The following BCAR1 variants were observed in gnomAD, a reference collection of about 807,000 sequenced individuals.
The protein encoded by BCAR1 is BCAR1 scaffold protein, Cas family member.
A neutral mutation model predicts 67.6 loss-of-function variants in BCAR1; 30 were observed. The observed-to-expected ratio is 0.44, with a 90% CI of 0.33 to 0.60. The LOEUF (loss-of-function observed/expected upper bound fraction) is 0.60, where lower values mean the gene tolerates loss of function less well. Ranked by LOEUF, BCAR1 falls within the 20% of genes least tolerant of loss-of-function variation. BCAR1 has a pLI of 0.02. For missense variants in BCAR1, 1,313 were observed against 1,222.3 expected (o/e 1.07, Z -1.11); for synonymous variants, 626 against 556.7 (o/e 1.12, Z -1.75).
intron 1 of BCAR1, chr16:75,248,031 A>G: frequency 7.1e-7 from 1 of 1,407,532 alleles, no homozygotes; most frequent in Non-Finnish European, 1.0e-6. Flanking sequence ...AACCCTCAAA[A>G]CAACCCCATA....
chr16:75,248,261 C>T, intron 1 of BCAR1: 1 of 1,468,868 alleles, frequency 6.8e-7, no homozygotes, highest in South Asian at 1.4e-5. Context: ...CTGTCCACGC[C>T]CCCAACGCAC....
intron 1 of BCAR1, chr16:75,265,346 A>C (rs2077983510): frequency 6.6e-6 from 1 of 152,266 alleles, no homozygotes; most frequent in African/African-American, 2.4e-5. Context: ...GGAGCGCCGC[A>C]GGGCAGCAAT....
At chr16:75,246,738 C>G (rs117984251) in intron 1 of BCAR1, 4,567 of 152,418 alleles carry the variant, frequency 0.03, 101 homozygotes, top group Middle Eastern at 0.11. Flanking sequence ...TGGACATGCT[C>G]GCAGGCCCCC....
upstream of BCAR1, among the ~76,000 whole-genome samples, chr16:75,255,076 C>T (rs963366123): frequency 7.2e-5 from 11 of 152,336 alleles, no homozygotes; most frequent in South Asian, 2.1e-4. Context: ...TCTAGGGGAC[C>T]GGTGAGACAA....
Position 75,235,917 on chromosome 16 carries a change from C to A in BCAR1, c.982G>T (p.Asp328Tyr). ...GCCTTGGCGAAGGCGGGGGGCACAT[C>A]GTAGGTCTCCTCACGCAGCAGTGGG... ...DGPLLREETY[D>Y]VPPAFAKAKP... Residue 328 changes from aspartate to tyrosine, a missense_variant, in exon 5 of 7, where the codon GAT becomes TAT. Transcript: ENST00000162330. The A allele has an allele frequency of 6.4e-7, 1 of 1,567,604 alleles. No individual in the cohort carries two copies. Among genetic ancestry groups the A allele is most frequent in the Non-Finnish European group, 8.6e-7 (1 of 1,156,322 alleles).
At position 75,242,696 on chromosome 16, in the gene BCAR1, T is replaced by A; in HGVS notation, c.407A>T (p.Gln136Leu). Residue 136 changes from glutamine to leucine, a missense_variant, in exon 2 of 7, where the codon CAG becomes CTG. Physicochemically the swap from Gln to Leu is moderately radical, Grantham distance 113. This residue lies in a region of BCAR1 where 1,272 missense variants were observed against 1,137.5 expected (regional missense o/e 1.12). Transcript: ENST00000162330. Reference sequence around the variant, plus strand: ...CTGCTTGGCTGGGGGAGACTGGAACTGAGGGCTGGGACCCGGGACTTGGTA... The same window carrying A: ...CTGCTTGGCTGGGGGAGACTGGAACAGAGGGCTGGGACCCGGGACTTGGTA... ...GLYQVPGPSP[Q>L]FQSPPAKQTS... 6.5e-7 allele frequency: 1 copy of A among 1,547,164 alleles called. No individual in the cohort carries two copies. The highest frequency in any genetic ancestry group is 8.7e-7 in the Non-Finnish European group (1 of 1,149,198).
intron 1 of BCAR1, among the ~76,000 whole-genome samples, chr16:75,258,787 G>C (rs1248438583): frequency 6.6e-6 from 1 of 152,262 alleles, no homozygotes; most frequent in Non-Finnish European, 1.5e-5. Context: ...GCTGGGGCCA[G>C]GGACGCAGGG....
chr16:75,252,418 A>C (rs989331488), upstream of BCAR1: 3 of 1,450,998 alleles, frequency 2.1e-6, no homozygotes, highest in Non-Finnish European at 9.1e-7. Flanking sequence ...TGAGGGAGAT[A>C]GAAGGAAGAA....
intron 2 of BCAR1, chr16:75,238,352 C>T (rs2077214815): frequency 1.8e-6 from 2 of 1,107,448 alleles, no homozygotes; most frequent in African/African-American, 1.7e-5. Flanking sequence ...CACTGAAAGA[C>T]CTTTTGTTCC....
intron 1 of BCAR1, among the ~76,000 whole-genome samples, chr16:75,256,814 C>T (rs947440981): frequency 6.6e-6 from 1 of 152,170 alleles, no homozygotes; most frequent in Non-Finnish European, 1.5e-5. Context: ...TCTCTCAGCT[C>T]TCCCCTCCTG....
intron 1 of BCAR1, chr16:75,266,060 G>A (rs2078004594): frequency 3.2e-5 from 33 of 1,021,086 alleles, no homozygotes; most frequent in Non-Finnish European, 3.7e-5. Context: ...ACGCGTTAAA[G>A]GTGAGGACCC....
intron 1 of BCAR1, 93 bp downstream of exon 1, chr16:75,251,378 C>A (rs1458672242): frequency 1.2e-5 from 17 of 1,441,982 alleles, no homozygotes; most frequent in African/African-American, 1.5e-5. Context: ...CCAGGCCCCG[C>A]AGGTCCGGCA....
Position 75,235,295 on chromosome 16 carries a change from C to A in BCAR1, c.1604G>T (p.Arg535Leu). ...CCGGCTAAGCTTGGCATGCAGGGCA[C>A]GGTCAGATGTGTGGGCAGCATTGCC... ...AVGNAAHTSDRALHAKLSRQL... is the reference protein window; with the variant it reads ...AVGNAAHTSDLALHAKLSRQL... The change falls in exon 5 of 7, where the codon CGT becomes CTT. Residue 535 changes from arginine (R) to leucine (L), a missense_variant. Coordinates refer to ENST00000162330, the MANE Select transcript of BCAR1 (RefSeq NM_014567.5). 1 of 1,605,460 alleles carries A rather than the reference C, an allele frequency of 6.2e-7. No homozygotes were observed. The highest frequency in any genetic ancestry group is 8.5e-7 in the Non-Finnish European group (1 of 1,174,226).
At chr16:75,260,062 T>C (rs1452280395) in intron 1 of BCAR1, among the ~76,000 whole-genome samples, 1 of 149,376 alleles carries the variant, frequency 6.7e-6, no homozygotes, top group Non-Finnish European at 1.5e-5. Context: ...GGAATAGTGG[T>C]GGGCACCTAT....
intron 2 of BCAR1, chr16:75,238,489 G>A (rs958287711): frequency 2.7e-5 from 27 of 996,790 alleles, no homozygotes; most frequent in Non-Finnish European, 2.9e-5. Context: ...CCCTCCCAAT[G>A]CAGGCAGGCA....
chr16:75,252,584 C>T (rs187694708), upstream of BCAR1, among the ~76,000 whole-genome samples: 4 of 151,890 alleles, frequency 2.6e-5, no homozygotes, highest in East Asian at 7.7e-4. Context: ...GATGATAGGA[C>T]CGAGCCTGGT....
chr16:75,259,986 G>C (rs2151478550), intron 1 of BCAR1, among the ~76,000 whole-genome samples: 1 of 152,276 alleles, frequency 6.6e-6, no homozygotes, highest in East Asian at 1.9e-4. Flanking sequence ...CTGAGGTCAG[G>C]AGTTCGAAAC....
chr16:75,255,507 C>A (rs2077753938), upstream of BCAR1, among the ~76,000 whole-genome samples: 3 of 152,170 alleles, frequency 2.0e-5, no homozygotes, highest in Admixed American at 2.0e-4. Context: ...ACTAGCCTGT[C>A]CAACATGGCG....
chr16:75,263,180 C>A lies in BCAR1; in HGVS notation c.66+4735G>T, dbSNP rs979648257. On this transcript the variant is annotated intron_variant, in intron 1 of 6. Coordinates refer to the BCAR1 transcript ENST00000393422. ...AGCTGGAGTGGCCACACTCACTTCACAGATGGGAAGCAAGAAGCAGAACAG... is the reference window on the plus strand; with the variant it reads ...AGCTGGAGTGGCCACACTCACTTCAAAGATGGGAAGCAAGAAGCAGAACAG... The A allele has an allele frequency of 4.5e-5, 44 of 984,250 alleles. No homozygotes were observed. In the African/African-American group the frequency reaches 6.8e-4, roughly 15 times the overall value. The allele number at this position is 984,250 out of a possible 1,614,324, so 61.0% of individuals were successfully genotyped here.
Sources: gnomAD v4.1 joint callset for allele counts (sites outside exome capture counted in the v4.1 genomes callset) on GRCh38, gnomAD v4.1.1 for gene constraint, gnomAD v4.1.1 regional missense constraint, MANE v1.5 for transcripts, NCBI Gene and HGNC (gene_info 2026-07-23, HGNC 2026-07-21) for gene names.